Variants in CCDC169 observed in about 807,000 individuals in gnomAD.
The protein encoded by CCDC169 is coiled-coil domain containing 169.
A neutral mutation model predicts 36.0 loss-of-function variants in CCDC169; 30 were observed. The ratio of observed to expected loss-of-function variants is 0.83; its 90% confidence interval spans 0.62 to 1.13. The LOEUF is 1.13. Among genes scored for constraint, CCDC169 ranks in the 50% most tolerant of loss-of-function variants. CCDC169 has a pLI of 0.00. For missense variants in CCDC169, 245 were observed against 245.9 expected (o/e 1.00, Z 0.03); for synonymous variants, 85 against 81.5 (o/e 1.04, Z -0.23).
chr13:36,297,538 G>A (rs1879676801), intron 1 of CCDC169, 99 bp downstream of exon 1: 1 of 1,184,540 alleles, frequency 8.4e-7, no homozygotes, highest in Non-Finnish European at 1.2e-6. Context: ...TCACGGCGCC[G>A]GTCTTACAGC....
chr13:36,264,991 TG>T (rs1811038119), intron 4 of CCDC169, among the ~76,000 whole-genome samples: 4 of 152,222 alleles, frequency 2.6e-5, no homozygotes, highest in African/African-American at 9.6e-5. Flanking sequence ...TTGGTAGCAC[TG>T]TTCAGGTCAA....
chr13:36,240,329 A>C (rs1245107681), intron 7 of CCDC169, among the ~76,000 whole-genome samples: 6 of 152,010 alleles, frequency 3.9e-5, no homozygotes, highest in Non-Finnish European at 2.9e-5. Context: ...CATAAATATA[A>C]ATCATCCACA....
intron 4 of CCDC169, among the ~76,000 whole-genome samples, chr13:36,267,885 T>C (rs572444611): frequency 6.6e-6 from 1 of 151,692 alleles, no homozygotes; most frequent in South Asian, 2.1e-4. Context: ...GACAAAAGGA[T>C]CAATTCAACA....
downstream of CCDC169, chr13:36,227,452 T>C: frequency 1.5e-6 from 2 of 1,376,494 alleles, no homozygotes; most frequent in Non-Finnish European, 1.9e-6. Context: ...AAAGCAGATA[T>C]TCCAACCAGT....
intron 4 of CCDC169, among the ~76,000 whole-genome samples, chr13:36,255,077 A>G (rs952665667): frequency 3.9e-5 from 6 of 152,110 alleles, no homozygotes; most frequent in Non-Finnish European, 8.8e-5. Flanking sequence ...CATGGCGGTC[A>G]TCCAGCTTTC....
chr13:36,227,277 C>A, downstream of CCDC169: 1 of 1,551,446 alleles, frequency 6.4e-7, no homozygotes, highest in Non-Finnish European at 8.7e-7. Flanking sequence ...TGCTTTTTGT[C>A]CGAGGCATGT....
rs536339428 is a variant in CCDC169 at position 36,252,276 on chromosome 13, A to G, written c.468+1527T>C. Among the ~76,000 whole-genome samples, 13 of 152,322 alleles carry G rather than the reference A, an allele frequency of 8.5e-5. No individual in the cohort carries two copies. In the South Asian group the frequency reaches 1.7e-3, roughly 19 times the overall value. On this transcript the variant is annotated intron_variant, in intron 6 of 7. Transcript: ENST00000239859. The stretch of plus-strand genomic sequence containing the variant: ...AAGGAACATGAAGTTTGAGCTAATC[A>G]TCCATTTACAGACAAGAGAATGCAA...
chr13:36,259,955 T>C (rs9593955), intron 4 of CCDC169, among the ~76,000 whole-genome samples: 61,690 of 152,132 alleles, frequency 0.41, 13,287 homozygotes, highest in Non-Finnish European at 0.48. Context: ...AGGTGGGCAG[T>C]TTGTGGCCTT....
At chr13:36,234,701 T>A (rs1870865520) in intron 7 of CCDC169, among the ~76,000 whole-genome samples, 1 of 152,100 alleles carries the variant, frequency 6.6e-6, no homozygotes, top group South Asian at 2.1e-4. Context: ...GGAAAAAGAC[T>A]TTCAACTAAG....
chr13:36,293,531 C>T (rs895371517), intron 2 of CCDC169, among the ~76,000 whole-genome samples: 2 of 152,182 alleles, frequency 1.3e-5, no homozygotes, highest in Admixed American at 1.3e-4. Flanking sequence ...GGATATACCC[C>T]TGTGCCAGTT....
At chr13:36,265,513 C>T (rs1249306862) in intron 4 of CCDC169, among the ~76,000 whole-genome samples, 1 of 152,216 alleles carries the variant, frequency 6.6e-6, no homozygotes, top group Non-Finnish European at 1.5e-5. Context: ...CAGTAGCCTA[C>T]AGTTTTTCCC....
chr13:36,267,304 T>G (rs1273405201), intron 4 of CCDC169: 4 of 152,200 alleles, frequency 2.6e-5, no homozygotes, highest in Non-Finnish European at 4.4e-5. Flanking sequence ...AGTCCTATCT[T>G]CAGCCTCCTT....
chr13:36,283,873 T>G (rs1877847097), intron 2 of CCDC169, among the ~76,000 whole-genome samples, 171 bp from the exon 3 acceptor site: 1 of 152,170 alleles, frequency 6.6e-6, no homozygotes, highest in Non-Finnish European at 1.5e-5. Context: ...AGTAAGATTT[T>G]CCAGACTGCA....
chr13:36,251,699 T>C (rs1873192818), intron 6 of CCDC169, among the ~76,000 whole-genome samples: 1 of 152,058 alleles, frequency 6.6e-6, no homozygotes, highest in African/African-American at 2.4e-5. Flanking sequence ...TGAAAGGGAA[T>C]AGAAAGCATG....
intron 7 of CCDC169, chr13:36,240,680 GA>G: frequency 5.9e-6 from 7 of 1,180,616 alleles, no homozygotes; most frequent in Admixed American, 2.5e-5. Flanking sequence ...TTCATAAGCA[GA>G]AAAAAATGAG....
At chr13:36,297,104 T>C (rs577247389) in intron 1 of CCDC169, among the ~76,000 whole-genome samples, 46 of 152,264 alleles carry the variant, frequency 3.0e-4, no homozygotes, top group Non-Finnish European at 4.6e-4. Context: ...AGAGTCCAAT[T>C]CTCACGGGAC....
chr13:36,273,738 T>G (rs1876407414), intron 4 of CCDC169, among the ~76,000 whole-genome samples: 1 of 152,204 alleles, frequency 6.6e-6, no homozygotes, highest in Non-Finnish European at 1.5e-5. Context: ...TTAAAATTTT[T>G]TTGTAATGTA....
intron 4 of CCDC169, among the ~76,000 whole-genome samples, chr13:36,275,714 G>C (rs1472554742): frequency 2.0e-5 from 3 of 152,174 alleles, no homozygotes; most frequent in African/African-American, 7.2e-5. Context: ...CTAATTGGGT[G>C]TACAGTGAGG....
chr13:36,292,289 T>C (rs9531729), intron 2 of CCDC169, among the ~76,000 whole-genome samples: 38,489 of 152,114 alleles, frequency 0.25, 5,154 homozygotes, highest in East Asian at 0.49. Flanking sequence ...CTGCCGCACC[T>C]GGCCTCCATT....
Sources: gnomAD v4.1 joint callset for allele counts (sites outside exome capture counted in the v4.1 genomes callset) on GRCh38, gnomAD v4.1.1 for gene constraint, MANE v1.5 for transcripts, NCBI Gene and HGNC (gene_info 2026-07-23, HGNC 2026-07-21) for gene names.